The following GCN1 variants were observed in gnomAD, a reference collection of about 807,000 sequenced individuals.
GCN1 encodes stalled ribosome sensor GCN1.
A neutral mutation model predicts 288.4 loss-of-function variants in GCN1; 90 were observed. That is an observed-to-expected ratio of 0.31 (90% CI 0.26 to 0.37). The LOEUF (loss-of-function observed/expected upper bound fraction) is 0.37, where lower values mean the gene tolerates loss of function less well. Among genes scored for constraint, GCN1 ranks in the 10% least tolerant of loss-of-function variants. GCN1 has a pLI of 1.00. For synonymous variants in GCN1, 1,386 were observed against 1,420.2 expected (o/e 0.98, Z 0.54); for missense variants, 2,586 against 3,419.9 (o/e 0.76, Z 6.08).
At chr12:120,177,393 T>C (rs903945792) in intron 9 of GCN1, 54 bp downstream of exon 9, 9 of 855,568 alleles carry the variant, frequency 1.1e-5, no homozygotes, top group African/African-American at 8.3e-5. Context: ...ATATCGAGAA[T>C]AGAGATATAG....
intron 37 of GCN1, among the ~76,000 whole-genome samples, chr12:120,147,715 A>T (rs1027192442): frequency 6.6e-6 from 1 of 152,334 alleles, no homozygotes; most frequent in African/African-American, 2.4e-5. Context: ...GGGCACTGGC[A>T]GCTGAAGCTT....
chr12:120,130,576 G>A lies in GCN1; in HGVS notation c.7671+70C>T, dbSNP rs562129953. 58 of 990,830 alleles carry A rather than the reference G, an allele frequency of 5.9e-5. No homozygotes were observed. In the South Asian group the frequency reaches 7.5e-4, roughly 13 times the overall value. The allele number at this position is 990,830 out of a possible 1,614,324, so 61.4% of individuals were successfully genotyped here. A position where few individuals can be genotyped will look rare whatever the true frequency, so the allele number is the denominator to read the frequency against. On this transcript the variant is annotated intron_variant, in intron 56 of 57. Coordinates refer to ENST00000300648, the MANE Select transcript of GCN1 (RefSeq NM_006836.2). Reference sequence around the variant, plus strand: ...AACTAGTTGAGGGCGCACTGCTGGTGGTCTCTGATCCTAGGACCTCCTCAC... The same window carrying A: ...AACTAGTTGAGGGCGCACTGCTGGTAGTCTCTGATCCTAGGACCTCCTCAC...
intron 57 of GCN1, 36 bp from the exon 58 acceptor site, chr12:120,128,010 G>C (rs769432022): frequency 6.2e-7 from 1 of 1,606,548 alleles, no homozygotes; most frequent in Admixed American, 1.7e-5. Context: ...AACATAGTCA[G>C]AACATACGGC....
rs543019951 is a variant in GCN1, at chr12:120,169,421, T to C, written c.1519+748A>G. Among the ~76,000 whole-genome samples the C allele has an allele frequency of 8.7e-5, 13 of 148,968 alleles. No homozygotes were observed. The South Asian group carries it at 2.7e-3, about 31-fold the overall frequency. On this transcript the variant is annotated intron_variant, in intron 15 of 57. Transcript: ENST00000300648. ...TATTATATATAGTATATATATTATATATTATAAGTAATATGGCATATAGCG... is the reference window on the plus strand; with the variant it reads ...TATTATATATAGTATATATATTATACATTATAAGTAATATGGCATATAGCG...
At chr12:120,128,691 G>A (rs1285667003) in intron 57 of GCN1, among the ~76,000 whole-genome samples, 1 of 152,004 alleles carries the variant, frequency 6.6e-6, no homozygotes, top group African/African-American at 2.4e-5. Context: ...ACACAACTCT[G>A]GGTTTCCTCT....
rs779688682 is a variant in GCN1, at chr12:120,138,763, C to T, written c.6088G>A (p.Glu2030Lys). 12 of 1,614,182 alleles carry T rather than the reference C, an allele frequency of 7.4e-6. 1 individual carries two copies. The highest frequency in any genetic ancestry group is 5.5e-5 in the South Asian group (5 of 91,074). The change falls in exon 46 of 58, where the codon GAG becomes AAG. Residue 2030 changes from glutamate (E) to lysine (K), a missense_variant. Glu to Lys is a moderately conservative substitution (Grantham distance 56, BLOSUM62 1). Around this residue, in one of 8 missense-constraint regions of GCN1, gnomAD observed 437 missense variants for 570.5 expected, o/e 0.77. Transcript: ENST00000300648. ...EVREAAAKTF[E>K]QLHSTIGHQA... ...TGGCCGATGGTGGAATGCAGCTGCT[C>T]GAAAGTCTTGGCTGCCGCCTCTCTG...
chr12:120,166,829 G>A (rs976199395), intron 16 of GCN1, among the ~76,000 whole-genome samples: 8 of 151,026 alleles, frequency 5.3e-5, no homozygotes, highest in Admixed American at 2.0e-4. Flanking sequence ...TGGGCAACAT[G>A]GTGAAACCCC....
intron 2 of GCN1, among the ~76,000 whole-genome samples, chr12:120,188,014 C>A (rs973674786): frequency 2.6e-5 from 4 of 152,212 alleles, no homozygotes; most frequent in African/African-American, 9.6e-5. Context: ...CAGCATTTCC[C>A]AAAATGTGTT....
intron 16 of GCN1, among the ~76,000 whole-genome samples, chr12:120,167,182 A>G (rs1878158709): frequency 6.6e-6 from 1 of 150,540 alleles, no homozygotes; most frequent in South Asian, 2.1e-4. Flanking sequence ...TCTACTAAGA[A>G]AAAAAAAAAC....
chr12:120,193,964 A>C (rs963717380), intron 1 of GCN1, among the ~76,000 whole-genome samples: 1 of 152,232 alleles, frequency 6.6e-6, no homozygotes, highest in Admixed American at 6.5e-5. Context: ...ACCTTAAAAC[A>C]TAACAACTGG....
chr12:120,173,700 G>T lies in GCN1; in HGVS notation c.1319C>A (p.Ser440Tyr). 6.2e-7 allele frequency: 1 copy of T among 1,612,884 alleles called. No homozygotes were observed. The highest frequency in any genetic ancestry group is 1.1e-5 in the South Asian group (1 of 91,070). The change falls in exon 14 of 58, where the codon TCT becomes TAT. Residue 440 changes from serine to tyrosine, a missense_variant. Ser to Tyr is a moderately radical substitution (Grantham distance 144, BLOSUM62 -2). Around this residue, in one of 8 missense-constraint regions of GCN1, gnomAD observed 913 missense variants for 1,107.0 expected, o/e 0.82. Coordinates refer to ENST00000300648, the MANE Select transcript of GCN1 (RefSeq NM_006836.2). The stretch of plus-strand genomic sequence containing the variant: ...CTGCAGGTAGGCATGCCTCACCGCA[G>T]ATGTGGAGGTTTTAAGGCTGAAAGC... The part of the protein sequence containing the change: ...KKAFSLKTST[S>Y]AVRHAYLQCM...
intron 53 of GCN1, among the ~76,000 whole-genome samples, chr12:120,133,017 G>A (rs1876879943): frequency 6.6e-6 from 1 of 152,228 alleles, no homozygotes; most frequent in African/African-American, 2.4e-5. Flanking sequence ...TGCTTGCACT[G>A]TACACATGAC....
rs778951079 is a variant in GCN1 at position 120,142,584 on chromosome 12, T to C, written c.5752A>G (p.Thr1918Ala). The C allele has an allele frequency of 6.2e-7, 1 of 1,613,772 alleles. No individual in the cohort carries two copies. The highest frequency in any genetic ancestry group is 8.5e-7 in the Non-Finnish European group (1 of 1,179,982). Reference sequence around the variant, plus strand: ...AGAGTGGGTAGGATCTCACGCAAGGTGCGGGGGGTATTGGAGACAACAATC... The same window carrying C: ...AGAGTGGGTAGGATCTCACGCAAGGCGCGGGGGGTATTGGAGACAACAATC... ...WKIVVSNTPR[T>A]LREILPTLFG... is the part of the protein sequence containing the mutation. Residue 1918 changes from threonine to alanine, a missense_variant, in exon 44 of 58, where the codon ACC (threonine) becomes GCC (alanine). Thr to Ala is a moderately conservative substitution (Grantham distance 58). This residue lies in a region of GCN1 where 437 missense variants were observed against 570.5 expected (regional missense o/e 0.77). Coordinates refer to ENST00000300648, the MANE Select transcript of GCN1 (RefSeq NM_006836.2). This position sits in a 1 kb window ranked among gnomAD's most constrained non-coding sequence, Gnocchi z 4.9.
In GCN1 at chr12:120,145,323, G is replaced by C; in HGVS notation, c.4955C>G (p.Ala1652Gly). 1 of 1,584,712 alleles carries C rather than the reference G, an allele frequency of 6.3e-7. No individual in the cohort carries two copies. The highest frequency in any genetic ancestry group is 8.6e-7 in the Non-Finnish European group (1 of 1,165,698). ...MYSLTDQKDL[A>G]PYLPSVTPGL... ...AGGCGTCACGCTGGGCAGGTACGGA[G>C]CCAAGTCCTGCAACAACACAGGAGG... The change falls in exon 39 of 58, where the codon GCT becomes GGT. Residue 1652 changes from alanine (A) to glycine (G), a missense_variant. By Grantham distance (60) the Ala-to-Gly change is moderately conservative. Coordinates refer to ENST00000300648, the MANE Select transcript of GCN1 (RefSeq NM_006836.2).
Position 120,136,734 on chromosome 12 carries a change from T to C in GCN1, c.6778-2A>G. 6.2e-7 allele frequency: 1 copy of C among 1,610,104 alleles called. No individual in the cohort carries two copies. The highest frequency in any genetic ancestry group is 8.5e-7 in the Non-Finnish European group (1 of 1,176,836). ...CACTGGAAGGATGGAGGTCACTCCC[T>C]GACAAGAGAACCACAACTGAGAGTC... is the stretch of plus-strand genomic sequence containing the variant. On this transcript the variant is annotated splice_acceptor_variant, in intron 50 of 57. Coordinates refer to ENST00000300648, the MANE Select transcript of GCN1 (RefSeq NM_006836.2). LOFTEE classifies it high-confidence loss of function.
intron 34 of GCN1, 93 bp downstream of exon 34, chr12:120,151,052 C>T: frequency 2.1e-6 from 3 of 1,401,744 alleles, no homozygotes; most frequent in East Asian, 2.3e-5. Context: ...CAAGCAACGG[C>T]CTCCACCTGG....
chr12:120,130,604 G>T, intron 56 of GCN1, 42 bp downstream of exon 56: 1 of 1,321,718 alleles, frequency 7.6e-7, no homozygotes, highest in Non-Finnish European at 1.1e-6. Flanking sequence ...CTCCTCACAA[G>T]CCAGGTGTTA....
Position 120,178,675 on chromosome 12 carries a change from C to T in GCN1, c.610G>A (p.Val204Met). ...QNYAGMLGLLVQFCTSHKEMD... is the reference protein window; with the variant it reads ...QNYAGMLGLLMQFCTSHKEMD... The stretch of plus-strand genomic sequence containing the variant: ...TCCTTGTGACTCGTGCAGAACTGCA[C>T]CAGCAGCCCCAGCATGCCAGCATAG... The change falls in exon 7 of 58, where the codon GTG becomes ATG. Residue 204 changes from valine (V) to methionine (M), a missense_variant. Coordinates refer to ENST00000300648, the MANE Select transcript of GCN1 (RefSeq NM_006836.2). 1 of 1,614,188 alleles carries T rather than the reference C, an allele frequency of 6.2e-7. No individual in the cohort carries two copies.
chr12:120,141,162 CT>C (rs1877182814), intron 44 of GCN1, 139 bp from the exon 45 acceptor site: 1 of 704,818 alleles, frequency 1.4e-6, no homozygotes, highest in Admixed American at 2.6e-5. Flanking sequence ...GCTCTTACCC[CT>C]AAAGAGCCCC....
Sources: allele counts gnomAD v4.1 joint callset (sites outside exome capture counted in the v4.1 genomes callset), GRCh38; gene constraint gnomAD v4.1.1; regional missense constraint gnomAD v4.1.1; non-coding constraint Gnocchi (gnomAD v3.1); transcripts MANE v1.5; gene names NCBI Gene and HGNC (gene_info 2026-07-23, HGNC 2026-07-21).